The following FHOD3 variants were observed in gnomAD, a reference collection of about 807,000 sequenced individuals.
FHOD3 encodes the protein formin homology 2 domain containing 3, also known as FH1/FH2 domain-containing protein 3.
In FHOD3, 90 loss-of-function variants were observed where a neutral mutation model predicts 173.0. The observed-to-expected ratio is 0.52, with a 90% CI of 0.44 to 0.62. The LOEUF (loss-of-function observed/expected upper bound fraction) is 0.62. Among genes scored for constraint, FHOD3 ranks in the 20% least tolerant of loss-of-function variants. FHOD3 has a pLI of 0.00. For missense variants in FHOD3, 1,945 were observed against 2,034.7 expected (o/e 0.96, Z 0.85); for synonymous variants, 828 against 823.0 (o/e 1.01, Z -0.10).
At chr18:36,749,590 G>C (rs1332448199) in intron 24 of FHOD3, among the ~76,000 whole-genome samples, 1 of 152,188 alleles carries the variant, frequency 6.6e-6, no homozygotes, top group African/African-American at 2.4e-5. Flanking sequence ...GATGGGCATT[G>C]AGGTTGATTT....
intron 3 of FHOD3, among the ~76,000 whole-genome samples, chr18:36,398,143 A>T (rs760987217): frequency 6.6e-6 from 1 of 152,250 alleles, no homozygotes; most frequent in East Asian, 1.9e-4. Context: ...ACAAACGTGA[A>T]TAAATATGCA....
At position 36,698,965 on chromosome 18, in the gene FHOD3, G is replaced by A. The variant is rs546868502; in HGVS notation, c.2236+5542G>A. On this transcript the variant is annotated intron_variant, in intron 17 of 28. Transcript: ENST00000590592. ...ATAATGGGCGGTAAACATGCCTTCC[G>A]TTTGTCCCAGAGGGAGACATTGTCT... Among the ~76,000 whole-genome samples the A allele has an allele frequency of 1.1e-4, 16 of 152,248 alleles. No individual in the cohort carries two copies. The South Asian group carries it at 1.5e-3, about 14-fold the overall frequency.
intron 1 of FHOD3, among the ~76,000 whole-genome samples, chr18:36,306,363 T>G (rs989439170): frequency 2.6e-5 from 4 of 152,232 alleles, no homozygotes; most frequent in African/African-American, 9.6e-5. Flanking sequence ...CATTGCACTG[T>G]CTTACTCACT....
chr18:36,696,263 T>C (rs915809032), intron 17 of FHOD3, among the ~76,000 whole-genome samples: 1 of 152,210 alleles, frequency 6.6e-6, no homozygotes, highest in African/African-American at 2.4e-5. Flanking sequence ...TTTGCATTGC[T>C]ATTCATATTA....
chr18:36,626,191 T>C (rs2034095671), intron 10 of FHOD3, among the ~76,000 whole-genome samples: 1 of 152,176 alleles, frequency 6.6e-6, no homozygotes, highest in Non-Finnish European at 1.5e-5. Flanking sequence ...AAAAAACCCA[T>C]ATGAGTTTCC....
Position 36,647,554 on chromosome 18 carries a change from T to G in FHOD3, c.1197-1762T>G, listed in dbSNP as rs899536025. Among the ~76,000 whole-genome samples, 3 of 152,176 alleles carry G rather than the reference T, an allele frequency of 2.0e-5. No individual in the cohort carries two copies. The South Asian group carries it at 6.2e-4, about 32-fold the overall frequency. On this transcript the variant is annotated intron_variant, in intron 10 of 28. Coordinates refer to ENST00000590592, the MANE Select transcript of FHOD3 (RefSeq NM_001281740.3). The stretch of plus-strand genomic sequence containing the variant: ...TTTAAATGGCAGTTATTAATAAAGA[T>G]GAACCCAAGCATATCTTATGACCCA...
At position 36,718,710 on chromosome 18, in the gene FHOD3, T is replaced by C. The variant is rs1416155665; in HGVS notation, c.3412T>C (p.Ser1138Pro). Residue 1138 changes from serine (S) to proline (P), a missense_variant, in exon 19 of 29, where the codon TCA (serine) becomes CCA (proline). By Grantham distance (74) the Ser-to-Pro change is moderately conservative. Around this residue, in one of 5 missense-constraint regions of FHOD3, gnomAD observed 231 missense variants for 321.9 expected, o/e 0.72. Coordinates refer to ENST00000590592, the MANE Select transcript of FHOD3 (RefSeq NM_001281740.3). Reference sequence around the variant, plus strand: ...GTCTAAATCCAAGGAACTGTCTGTCTCAAAGGTACTGCTAGTCTTCAGCAT... The same window carrying C: ...GTCTAAATCCAAGGAACTGTCTGTCCCAAAGGTACTGCTAGTCTTCAGCAT... ...FESKSKELSVSKKTAADGKRQ... is the reference protein window; with the variant it reads ...FESKSKELSVPKKTAADGKRQ... The C allele has an allele frequency of 1.2e-6, 2 of 1,611,716 alleles. No homozygotes were observed. Among genetic ancestry groups the C allele is most frequent in the East Asian group, 4.5e-5 (2 of 44,864 alleles).
intron 17 of FHOD3, among the ~76,000 whole-genome samples, chr18:36,707,531 T>G (rs2039949054): frequency 6.6e-6 from 1 of 152,198 alleles, no homozygotes; most frequent in Non-Finnish European, 1.5e-5. Context: ...ACTCCCTGAC[T>G]CATCCTCAGA....
chr18:36,681,685 G>T, intron 15 of FHOD3, 115 bp downstream of exon 15: 1 of 1,267,006 alleles, frequency 7.9e-7, no homozygotes, highest in Admixed American at 2.5e-5. Context: ...AATTCTGTCT[G>T]TATTTTTAAG....
At chr18:36,746,197 T>C (rs758174060) in intron 23 of FHOD3, among the ~76,000 whole-genome samples, 30 of 152,198 alleles carry the variant, frequency 2.0e-4, no homozygotes, top group Middle Eastern at 3.2e-3. Flanking sequence ...GCCAGCACTC[T>C]GTTACATCTG....
chr18:36,588,417 TTA>T (rs1395203811), intron 6 of FHOD3, among the ~76,000 whole-genome samples: 1 of 152,236 alleles, frequency 6.6e-6, no homozygotes, highest in African/African-American at 2.4e-5. Flanking sequence ...ATAGATCAAG[TTA>T]TCTTACCACT....
intron 3 of FHOD3, among the ~76,000 whole-genome samples, chr18:36,436,117 A>T (rs1290784998): frequency 6.6e-6 from 1 of 152,170 alleles, no homozygotes; most frequent in Non-Finnish European, 1.5e-5. Context: ...CCTTCCTTTT[A>T]TATGCTAAAA....
At chr18:36,421,641 G>A (rs1313568486) in intron 3 of FHOD3, among the ~76,000 whole-genome samples, 1 of 152,236 alleles carries the variant, frequency 6.6e-6, no homozygotes, top group Non-Finnish European at 1.5e-5. Flanking sequence ...GGGTCCAGGG[G>A]TGTTGCTGGC....
chr18:36,432,485 A>G (rs2050602981), intron 3 of FHOD3, among the ~76,000 whole-genome samples: 1 of 152,166 alleles, frequency 6.6e-6, no homozygotes, highest in Admixed American at 6.5e-5. Context: ...GACTCAGCCA[A>G]CTTAATCTCA....
At chr18:36,694,976 G>GTGT (rs2039180505) in intron 17 of FHOD3, among the ~76,000 whole-genome samples, 5 of 149,244 alleles carry the variant, frequency 3.4e-5, no homozygotes, top group East Asian at 2.0e-4. Context: ...TGTATACGTG[G>GTGT]GTGTGTGTGT....
chr18:36,328,264 G>A (rs1282122269), intron 1 of FHOD3, among the ~76,000 whole-genome samples: 3 of 152,092 alleles, frequency 2.0e-5, no homozygotes, highest in Admixed American at 6.5e-5. Flanking sequence ...TTTTCATGTG[G>A]GGTATCCCAG....
At chr18:36,460,671 A>G (rs2052497058) in intron 3 of FHOD3, among the ~76,000 whole-genome samples, 2 of 152,220 alleles carry the variant, frequency 1.3e-5, no homozygotes, top group African/African-American at 4.8e-5. Context: ...CACTGCTGCC[A>G]TGGGGTCACT....
At position 36,625,534 on chromosome 18, in the gene FHOD3, C is replaced by T. The variant is rs151125107; in HGVS notation, c.981C>T (p.Gly327=). The change falls in exon 10 of 29, where the codon GGC becomes GGT. Residue 327 remains glycine (G), a synonymous_variant. Transcript: ENST00000590592. ...IYEVALRHED[G]DETTEPPPSG... is the part of the protein sequence containing the mutation. Reference sequence around the variant, plus strand: ...AGGTGGCGCTCAGGCACGAGGATGGCGATGAGACCACGGAGCCACCCCCCA... The same window carrying T: ...AGGTGGCGCTCAGGCACGAGGATGGTGATGAGACCACGGAGCCACCCCCCA... The T allele has an allele frequency of 1.6e-5, 23 of 1,457,090 alleles. No individual in the cohort carries two copies. The African/African-American group carries it at 1.7e-4, about 11-fold the overall frequency. The allele number at this position is 1,457,090 out of a possible 1,614,324, so 90.3% of individuals were successfully genotyped here.
rs1260459292 is a variant in FHOD3 at position 36,750,078 on chromosome 18, A to G, written c.4232+2943A>G. On this transcript the variant is annotated intron_variant, in intron 24 of 28. Coordinates refer to ENST00000590592, the MANE Select transcript of FHOD3 (RefSeq NM_001281740.3). ...GCCAAGGTGGGTGGATCACGAGGTC[A>G]GGAGATCAAGATCATCCTGGCTAAC... Among the ~76,000 whole-genome samples the G allele has an allele frequency of 2.6e-5, 4 of 152,140 alleles. No homozygotes were observed. The East Asian group carries it at 5.8e-4, about 22-fold the overall frequency.
Sources: gnomAD v4.1 joint callset for allele counts (sites outside exome capture counted in the v4.1 genomes callset) on GRCh38, gnomAD v4.1.1 for gene constraint, gnomAD v4.1.1 regional missense constraint, MANE v1.5 for transcripts, NCBI Gene and HGNC (gene_info 2026-07-23, HGNC 2026-07-21) for gene names.